Variants in SYNPO2 observed in about 807,000 individuals in gnomAD.
SYNPO2 encodes synaptopodin 2.
In SYNPO2, 56 loss-of-function variants were observed where a neutral mutation model predicts 85.0. That is an observed-to-expected ratio of 0.66 (90% CI 0.53 to 0.82). The LOEUF is 0.82. Ranked by LOEUF, SYNPO2 falls within the 40% of genes least tolerant of loss-of-function variation. The pLI, the probability that SYNPO2 is intolerant of heterozygous loss-of-function variation, is 0.00. For missense variants in SYNPO2, 1,575 were observed against 1,534.2 expected (o/e 1.03, Z -0.44); for synonymous variants, 602 against 591.1 (o/e 1.02, Z -0.27).
At chr4:118,994,262 C>G (rs1441390581) in intron 1 of SYNPO2, among the ~76,000 whole-genome samples, 1 of 152,244 alleles carries the variant, frequency 6.6e-6, no homozygotes, top group Non-Finnish European at 1.5e-5. Flanking sequence ...TGGAGCATCA[C>G]AAAATCTATA....
intron 1 of SYNPO2, among the ~76,000 whole-genome samples, chr4:118,928,244 A>C (rs1399871640): frequency 6.6e-6 from 1 of 152,216 alleles, no homozygotes; most frequent in African/African-American, 2.4e-5. Flanking sequence ...GTTTGTACAG[A>C]ACTAATCAGT....
At chr4:118,978,098 C>T (rs1022208880) in intron 1 of SYNPO2, among the ~76,000 whole-genome samples, 2 of 152,146 alleles carry the variant, frequency 1.3e-5, no homozygotes, top group Non-Finnish European at 2.9e-5. Flanking sequence ...GGGTGAATTC[C>T]TTGAAAACGT....
intron 1 of SYNPO2, among the ~76,000 whole-genome samples, chr4:118,986,008 C>T (rs1202252286): frequency 6.6e-6 from 1 of 152,158 alleles, no homozygotes; most frequent in African/African-American, 2.4e-5. Flanking sequence ...TTTCCTTGCA[C>T]TCCCATTGAA....
At chr4:118,914,866 T>C (rs1044355886) in intron 1 of SYNPO2, among the ~76,000 whole-genome samples, 2 of 152,108 alleles carry the variant, frequency 1.3e-5, no homozygotes, top group Non-Finnish European at 2.9e-5. Flanking sequence ...ACAGGGTAGT[T>C]ACTCTTGTAG....
chr4:119,039,726 G>C (rs1738647503), intron 4 of SYNPO2, among the ~76,000 whole-genome samples: 1 of 152,172 alleles, frequency 6.6e-6, no homozygotes, highest in Non-Finnish European at 1.5e-5. Flanking sequence ...GAACAGAATA[G>C]TGATGAGAGA....
chr4:118,991,432 G>A (rs1367141824), intron 1 of SYNPO2, among the ~76,000 whole-genome samples: 1 of 152,066 alleles, frequency 6.6e-6, no homozygotes, highest in Admixed American at 6.6e-5. Flanking sequence ...ACAGGCATGA[G>A]CCACCGCACC....
At chr4:118,941,840 G>A (rs1734322964) in intron 1 of SYNPO2, among the ~76,000 whole-genome samples, 1 of 152,212 alleles carries the variant, frequency 6.6e-6, no homozygotes, top group Non-Finnish European at 1.5e-5. Context: ...AAAAGAACGA[G>A]GGGAAGGCAG....
chr4:118,905,201 T>C (rs1163337988), intron 1 of SYNPO2, among the ~76,000 whole-genome samples: 3 of 152,214 alleles, frequency 2.0e-5, no homozygotes, highest in Non-Finnish European at 4.4e-5. Flanking sequence ...CATCATGTTA[T>C]TTATTCCATT....
intron 1 of SYNPO2, among the ~76,000 whole-genome samples, chr4:118,972,230 C>T (rs1735565601): frequency 6.6e-6 from 1 of 152,074 alleles, no homozygotes; most frequent in Admixed American, 6.6e-5. Flanking sequence ...CACTTGAGCC[C>T]AGGAGTTTGA....
intron 1 of SYNPO2, among the ~76,000 whole-genome samples, chr4:118,916,554 ATTAC>A (rs143651145): frequency 0.23 from 34,994 of 151,616 alleles, 4,873 homozygotes; most frequent in Admixed American, 0.32. Context: ...ATATAAACCT[ATTAC>A]TTACTATTAG....
At chr4:118,980,555 C>G (rs1460137863) in intron 1 of SYNPO2, among the ~76,000 whole-genome samples, 1 of 151,960 alleles carries the variant, frequency 6.6e-6, no homozygotes, top group African/African-American at 2.4e-5. Context: ...ACCGACTGGA[C>G]TAATTTTATC....
At chr4:118,976,755 G>A (rs577068913) in intron 1 of SYNPO2, among the ~76,000 whole-genome samples, 9 of 151,872 alleles carry the variant, frequency 5.9e-5, no homozygotes, top group East Asian at 1.9e-4. Flanking sequence ...TGACTGGTGT[G>A]TTTACAAACC....
intron 1 of SYNPO2, among the ~76,000 whole-genome samples, chr4:118,989,380 G>A (rs1020914396): frequency 2.0e-5 from 3 of 152,210 alleles, no homozygotes; most frequent in Admixed American, 6.5e-5. Flanking sequence ...GACTGAGTGA[G>A]AGTCAGAGCC....
At chr4:118,990,890 G>A (rs184454617) in intron 1 of SYNPO2, among the ~76,000 whole-genome samples, 1 of 151,790 alleles carries the variant, frequency 6.6e-6, no homozygotes, top group Admixed American at 6.5e-5. Flanking sequence ...GATTACAGGT[G>A]TGAGCCACCA....
chr4:119,056,302 C>T lies in SYNPO2; in HGVS notation c.3253-1099C>T, dbSNP rs562397466. ...GCACCGGGGCTCATGTCTGTAAGCCCAGCAACTTGGGAGGCTGAGGTGGGA... is the reference window on the plus strand; with the variant it reads ...GCACCGGGGCTCATGTCTGTAAGCCTAGCAACTTGGGAGGCTGAGGTGGGA... On this transcript the variant is annotated intron_variant, in intron 4 of 4. Transcript: ENST00000307142. 7.2e-5 allele frequency among the ~76,000 whole-genome samples: 11 copies of T among 152,266 alleles called. No individual in the cohort carries two copies. The South Asian group carries it at 2.1e-3, about 29-fold the overall frequency.
intron 1 of SYNPO2, among the ~76,000 whole-genome samples, chr4:118,940,460 A>T (rs1734268516): frequency 6.6e-6 from 1 of 151,448 alleles, no homozygotes; most frequent in Non-Finnish European, 1.5e-5. Flanking sequence ...TACCCAAAGG[A>T]CTGCCTTACA....
Position 119,030,684 on chromosome 4 carries a change from T to C in SYNPO2, c.1909T>C (p.Ser637Pro). 6.2e-7 allele frequency: 1 copy of C among 1,614,170 alleles called. No homozygotes were observed. Among genetic ancestry groups the C allele is most frequent in the Non-Finnish European group, 8.5e-7 (1 of 1,180,038 alleles). ...CCCTGACGCCTTCTCCAGAGGGGTT[T>C]CAAGTCCGATTGCTGGCCCAGCACA... ...PPPDAFSRGV[S>P]SPIAGPAQPP... The change falls in exon 4 of 5, where the codon TCA becomes CCA. Residue 637 changes from serine (S) to proline (P), a missense_variant. By Grantham distance (74) the Ser-to-Pro change is moderately conservative. Transcript: ENST00000307142.
At chr4:118,867,612 G>A (rs1049552382) in intron 1 of SYNPO2, among the ~76,000 whole-genome samples, 2 of 151,982 alleles carry the variant, frequency 1.3e-5, no homozygotes, top group African/African-American at 2.4e-5. Flanking sequence ...TAAAAAATCA[G>A]TGTATTTATT....
chr4:118,907,608 C>T (rs1169138976), intron 1 of SYNPO2, among the ~76,000 whole-genome samples: 1 of 152,142 alleles, frequency 6.6e-6, no homozygotes, highest in Non-Finnish European at 1.5e-5. Context: ...TGCACTGTTT[C>T]AATCAAATCA....
Sources: allele counts gnomAD v4.1 joint callset (sites outside exome capture counted in the v4.1 genomes callset), GRCh38; gene constraint gnomAD v4.1.1; transcripts MANE v1.5; gene names NCBI Gene and HGNC (gene_info 2026-07-23, HGNC 2026-07-21).